The following TMEFF1 variants were observed in gnomAD, a reference collection of about 807,000 sequenced individuals.
TMEFF1 encodes the protein transmembrane protein with EGF like and two follistatin like domains 1.
Under a neutral mutation model 47.5 loss-of-function variants are expected in TMEFF1, and 20 were observed. That is an observed-to-expected ratio of 0.42 (90% confidence interval 0.30 to 0.61). The LOEUF (loss-of-function observed/expected upper bound fraction) is 0.61, where lower values mean the gene tolerates loss of function less well. TMEFF1 is among the 20% of genes least tolerant of loss of function. TMEFF1 has a pLI of 0.19. For missense variants in TMEFF1, 411 were observed against 471.1 expected, an observed-to-expected ratio of 0.87 and a Z score of 1.18; for synonymous variants, 162 against 166.3, an observed-to-expected ratio of 0.97 and a Z score of 0.20.
At chr9:100,504,572 T>G (rs145611100) in intron 2 of TMEFF1, among the ~76,000 whole-genome samples, 87 of 152,366 alleles carry the variant, frequency 5.7e-4, no homozygotes, top group African/African-American at 2.0e-3. Flanking sequence ...TTATTGAGAA[T>G]GTACCATGGT....
intron 1 of TMEFF1, among the ~76,000 whole-genome samples, chr9:100,477,390 A>G (rs1275475499): frequency 6.6e-6 from 1 of 152,130 alleles, no homozygotes; most frequent in Non-Finnish European, 1.5e-5. Context: ...AGATTCTTTC[A>G]GATTGTCTTG....
intron 7 of TMEFF1, among the ~76,000 whole-genome samples, chr9:100,558,074 C>T (rs1838949389): frequency 6.6e-6 from 1 of 152,072 alleles, no homozygotes. Context: ...TTTATTGGTG[C>T]CATACTTTTC....
At chr9:100,490,875 G>GTGTA (rs1210558665) in intron 1 of TMEFF1, among the ~76,000 whole-genome samples, 2 of 140,494 alleles carry the variant, frequency 1.4e-5, no homozygotes, top group African/African-American at 5.2e-5. Flanking sequence ...GTGTGTGTAT[G>GTGTA]TGTGTATGTG....
intron 3 of TMEFF1, among the ~76,000 whole-genome samples, chr9:100,512,934 C>G (rs1837995267): frequency 6.6e-6 from 1 of 151,866 alleles, no homozygotes; most frequent in African/African-American, 2.4e-5. Context: ...GCAGCTTATT[C>G]ATTATTTCTC....
intron 8 of TMEFF1, among the ~76,000 whole-genome samples, chr9:100,562,733 G>A (rs527618560): frequency 4.6e-5 from 7 of 152,010 alleles, no homozygotes; most frequent in Non-Finnish European, 1.0e-4. Flanking sequence ...TTGGCTCACT[G>A]CAACCTCGGC....
At chr9:100,516,855 G>T in intron 5 of TMEFF1, 84 bp downstream of exon 5, 5 of 1,467,718 alleles carry the variant, frequency 3.4e-6, no homozygotes, top group South Asian at 3.0e-5. Context: ...TCATTTACCT[G>T]GTTCTGTATC....
At chr9:100,531,239 C>T (rs1386534611) in intron 5 of TMEFF1, among the ~76,000 whole-genome samples, 1 of 151,976 alleles carries the variant, frequency 6.6e-6, no homozygotes, top group East Asian at 1.9e-4. Flanking sequence ...CTGGCCAGGG[C>T]AATTAGGCAG....
intron 4 of TMEFF1, 69 bp from the exon 5 acceptor site, chr9:100,516,606 G>A: frequency 6.4e-7 from 1 of 1,562,806 alleles, no homozygotes; most frequent in Non-Finnish European, 8.7e-7. Context: ...AATGACTGCT[G>A]AAAACATGAA....
chr9:100,572,596 G>A lies in TMEFF1; in HGVS notation c.978G>A (p.Lys326=), dbSNP rs35066548. 9.9e-6 allele frequency: 16 copies of A among 1,613,468 alleles called. No homozygotes were observed. The African/African-American group carries it at 2.0e-4, about 20-fold the overall frequency. ...SILYVVPSRQ[K]LTHVLIAAII... is the part of the protein sequence containing the mutation. ...TCTATGTAGTGCCAAGTAGGCAAAA[G>A]CTCACTCATGTTCTTATTGCAGCAA... The change falls in exon 9 of 10, where the codon AAG becomes AAA. Residue 326 remains lysine (K), a synonymous_variant. Transcript: ENST00000374879.
chr9:100,520,566 G>A (rs1838143715), intron 5 of TMEFF1, among the ~76,000 whole-genome samples: 1 of 152,054 alleles, frequency 6.6e-6, no homozygotes. Context: ...TTTAAATTTA[G>A]CCATTTAAAT....
At chr9:100,529,154 C>T (rs1355145939) in intron 5 of TMEFF1, among the ~76,000 whole-genome samples, 1 of 149,762 alleles carries the variant, frequency 6.7e-6, no homozygotes, top group Non-Finnish European at 1.5e-5. Flanking sequence ...AATGTAAAGA[C>T]CATCAAGACT....
chr9:100,490,865 G>GTGTGTGTGTGTGTA lies in TMEFF1; in HGVS notation c.197-7893_197-7892insGTGTGTATGTGTGT, dbSNP rs1159901701. Among the ~76,000 whole-genome samples, 284 of 148,062 alleles carry GTGTGTGTGTGTGTA rather than the reference G, an allele frequency of 1.9e-3. 1 individual carries two copies. Among genetic ancestry groups the GTGTGTGTGTGTGTA allele is most frequent in the South Asian group, 0.013 (58 of 4,406 alleles). On this transcript the variant is annotated intron_variant, in intron 1 of 9. Coordinates refer to ENST00000374879, the MANE Select transcript of TMEFF1 (RefSeq NM_003692.5). ...TGTGTGTGTGTGTGTGTGTGTGTGT[G>GTGTGTGTGTGTGTA]TGTGTGTATGTGTGTATGTGTGTAT...
chr9:100,518,420 A>G (rs1838108864), intron 5 of TMEFF1: 1 of 985,236 alleles, frequency 1.0e-6, no homozygotes, highest in South Asian at 4.7e-5. Flanking sequence ...ATTGTTGCAG[A>G]TACCAGCTCT....
intron 1 of TMEFF1, among the ~76,000 whole-genome samples, chr9:100,497,548 G>T (rs1837674752): frequency 6.6e-6 from 1 of 152,002 alleles, no homozygotes; most frequent in Non-Finnish European, 1.5e-5. Flanking sequence ...TCAGGTACTT[G>T]ATTGCCAGCT....
At chr9:100,524,957 C>T (rs1339128420) in intron 5 of TMEFF1, among the ~76,000 whole-genome samples, 14 of 152,098 alleles carry the variant, frequency 9.2e-5, no homozygotes, top group Admixed American at 9.2e-4. Context: ...TCAAGCCAAG[C>T]CAACTGCAGA....
intron 9 of TMEFF1, among the ~76,000 whole-genome samples, chr9:100,574,828 C>G (rs79565873): frequency 0.075 from 11,363 of 152,178 alleles, 499 homozygotes; most frequent in South Asian, 0.14. Context: ...GTCTTTTACC[C>G]AACTCTTTCA....
At chr9:100,556,161 G>T (rs754204898) in intron 7 of TMEFF1, among the ~76,000 whole-genome samples, 1 of 152,086 alleles carries the variant, frequency 6.6e-6, no homozygotes, top group African/African-American at 2.4e-5. Flanking sequence ...CAGTTGCCTG[G>T]TGGGTCCTTG....
intron 2 of TMEFF1, among the ~76,000 whole-genome samples, chr9:100,504,742 T>C (rs1220118152): frequency 2.0e-5 from 3 of 152,232 alleles, no homozygotes; most frequent in African/African-American, 7.2e-5. Context: ...CAAACATTTT[T>C]GGCTTTATAG....
chr9:100,539,226 CG>C (rs1228451960), intron 5 of TMEFF1, among the ~76,000 whole-genome samples: 2 of 152,134 alleles, frequency 1.3e-5, no homozygotes, highest in African/African-American at 4.8e-5. Context: ...AGATTTTCAA[CG>C]GCCTTGCCTT....
Sources: allele counts gnomAD v4.1 joint callset (sites outside exome capture counted in the v4.1 genomes callset), GRCh38; gene constraint gnomAD v4.1.1; transcripts MANE v1.5; gene names NCBI Gene and HGNC (gene_info 2026-07-23, HGNC 2026-07-21).